SAXO1: variants seen among roughly 807,000 people sequenced by gnomAD.
SAXO1 encodes 4930500O09Rik.
Under a neutral mutation model 17.5 loss-of-function variants are expected in SAXO1, and 21 were observed. The observed-to-expected ratio is 1.20, with a 90% CI of 0.85 to 1.72. SAXO1 has a LOEUF of 1.72. SAXO1 is among the 40% of genes most tolerant of loss of function. SAXO1 has a pLI of 0.00. For missense variants in SAXO1, 843 were observed against 596.0 expected, an observed-to-expected ratio of 1.41 and a Z score of -4.32; for synonymous variants, 274 against 216.5, an observed-to-expected ratio of 1.27 and a Z score of -2.33.
chr9:19,045,297 A>T (rs1836182916), intron 1 of SAXO1, among the ~76,000 whole-genome samples: 1 of 121,800 alleles, frequency 8.2e-6, no homozygotes, highest in Non-Finnish European at 1.6e-5. Flanking sequence ...GGCCTGGGCG[A>T]CAGAGCGAGA....
chr9:19,046,082 CAAAAAAAAAAA>C lies in SAXO1; in HGVS notation c.-158+3116_-158+3126del, dbSNP rs57919139. ...GGGCAACAAGAATGAAACTCCGTCT[CAAAAAAAAAAA>C]AAAAAAAAAAGGAGAACATAAGGAG... On this transcript the variant is annotated intron_variant, in intron 1 of 3. Coordinates refer to the SAXO1 transcript ENST00000542071. 9.2e-4 allele frequency among the ~76,000 whole-genome samples: 51 copies of C among 55,404 alleles called. 1 individual carries two copies. Among genetic ancestry groups the C allele is most frequent in the Middle Eastern group, 0.023 (2 of 88 alleles). The allele number at this position is 55,404 out of a possible 152,430, so 36.3% of individuals were successfully genotyped here.
At chr9:18,950,713 T>C in intron 2 of SAXO1, 45 bp downstream of exon 2, 1 of 1,524,300 alleles carries the variant, frequency 6.6e-7, no homozygotes, top group Non-Finnish European at 9.0e-7. Context: ...TGTTACTCCA[T>C]TAGTGTTGTA....
intron 1 of SAXO1, among the ~76,000 whole-genome samples, chr9:19,044,480 G>C (rs190646619): frequency 2.0e-5 from 3 of 152,050 alleles, no homozygotes; most frequent in African/African-American, 4.8e-5. Context: ...GAGATGGCAA[G>C]AACAAAAAAT....
chr9:19,014,826 G>C (rs1457640973), intron 1 of SAXO1, among the ~76,000 whole-genome samples: 1 of 152,162 alleles, frequency 6.6e-6, no homozygotes, highest in African/African-American at 2.4e-5. Flanking sequence ...GAAAAATAAA[G>C]CCAGTGCTGC....
chr9:18,976,008 C>T (rs1453602361), intron 1 of SAXO1, among the ~76,000 whole-genome samples: 3 of 152,212 alleles, frequency 2.0e-5, no homozygotes, highest in African/African-American at 4.8e-5. Flanking sequence ...CCCTGCAATA[C>T]TTAGGTGTTC....
chr9:18,928,630 T>G lies in SAXO1; in HGVS notation c.847A>C (p.Met283Leu), dbSNP rs138552928. The G allele has an allele frequency of 1.9e-6, 3 of 1,614,126 alleles. No homozygotes were observed. The highest frequency in any genetic ancestry group is 2.2e-5 in the East Asian group (1 of 44,878). Residue 283 changes from methionine to leucine, a missense_variant, in exon 4 of 4, where the codon ATG becomes CTG. Physicochemically the swap from Met to Leu is conservative, Grantham distance 15. Transcript: ENST00000380534. ...EFRDKYQAWP[M>L]PRMFSKAPIT... ...GGAGCTTTGGAGAACATCCGGGGCA[T>G]TGGCCAAGCTTGGTACTTATCTCGA...
intron 1 of SAXO1, among the ~76,000 whole-genome samples, chr9:18,966,014 G>T (rs919621776): frequency 2.0e-5 from 3 of 152,130 alleles, no homozygotes; most frequent in African/African-American, 7.2e-5. Flanking sequence ...GCTTAGTTTG[G>T]CTGGCTATGA....
intron 1 of SAXO1, among the ~76,000 whole-genome samples, chr9:18,995,114 T>A (rs1386234158): frequency 6.6e-6 from 1 of 152,084 alleles, no homozygotes; most frequent in East Asian, 1.9e-4. Flanking sequence ...AAAAATAAAT[T>A]AACTAATAAA....
intron 2 of SAXO1, among the ~76,000 whole-genome samples, chr9:18,948,133 T>G (rs957015929): frequency 2.0e-5 from 3 of 152,206 alleles, no homozygotes; most frequent in Non-Finnish European, 4.4e-5. Flanking sequence ...GACACTGGGC[T>G]GACGCATCCC....
intron 1 of SAXO1, among the ~76,000 whole-genome samples, chr9:18,970,196 GT>G (rs1286100039): frequency 1.3e-5 from 2 of 152,204 alleles, no homozygotes; most frequent in African/African-American, 2.4e-5. Context: ...GTGTGAACAT[GT>G]TAAATGTCTC....
At chr9:18,983,522 TCA>T in intron 1 of SAXO1, among the ~76,000 whole-genome samples, 1 of 152,236 alleles carries the variant, frequency 6.6e-6, no homozygotes, top group South Asian at 2.1e-4. Flanking sequence ...TCAACAATGT[TCA>T]CTGCATTTTC....
At chr9:18,959,715 G>A (rs1832406678) in intron 1 of SAXO1, among the ~76,000 whole-genome samples, 1 of 151,566 alleles carries the variant, frequency 6.6e-6, no homozygotes, top group South Asian at 2.1e-4. Flanking sequence ...AGGTTGCAAT[G>A]AGCCAAGACT....
chr9:18,946,153 G>A (rs941367806), intron 2 of SAXO1, among the ~76,000 whole-genome samples: 1 of 151,888 alleles, frequency 6.6e-6, no homozygotes, highest in East Asian at 1.9e-4. Flanking sequence ...GGACACACCT[G>A]TAATCCTAAC....
At chr9:19,006,762 G>T (rs1834497146) in intron 1 of SAXO1, among the ~76,000 whole-genome samples, 1 of 152,156 alleles carries the variant, frequency 6.6e-6, no homozygotes, top group Non-Finnish European at 1.5e-5. Flanking sequence ...TGGTTAAAAT[G>T]AGGCCAGGTG....
chr9:19,029,931 T>C (rs191252340), intron 1 of SAXO1, among the ~76,000 whole-genome samples: 1 of 152,342 alleles, frequency 6.6e-6, no homozygotes, highest in Non-Finnish European at 1.5e-5. Flanking sequence ...GTGTTAGCTG[T>C]TAATAAAGAA....
Position 19,045,258 on chromosome 9 carries a change from C to G in SAXO1, c.-158+3951G>C, listed in dbSNP as rs553954432. Among the ~76,000 whole-genome samples, 4 of 137,280 alleles carry G rather than the reference C, an allele frequency of 2.9e-5. No homozygotes were observed. The South Asian group carries it at 9.5e-4, about 33-fold the overall frequency. 90.1% of individuals were successfully genotyped at this position (137,280 alleles called of 152,430 possible). On this transcript the variant is annotated intron_variant, in intron 1 of 3. Transcript: ENST00000542071. ...CTGGGAAGCGGAGCTTGCAGTGAGC[C>G]GAGATTGCGCCACTGCAGTCCGCAG...
At chr9:18,992,136 C>T (rs1007663263) in intron 1 of SAXO1, among the ~76,000 whole-genome samples, 1 of 152,176 alleles carries the variant, frequency 6.6e-6, no homozygotes, top group South Asian at 2.1e-4. Context: ...TATAAAGTTG[C>T]CTATTCCCCA....
intron 1 of SAXO1, among the ~76,000 whole-genome samples, chr9:18,961,235 C>T (rs1339391990): frequency 1.3e-5 from 2 of 151,558 alleles, no homozygotes; most frequent in African/African-American, 2.4e-5. Context: ...GGTGCAATGA[C>T]GGCCAGCTAA....
intron 3 of SAXO1, among the ~76,000 whole-genome samples, chr9:18,932,453 A>G (rs1831095735): frequency 6.6e-6 from 1 of 152,256 alleles, no homozygotes; most frequent in African/African-American, 2.4e-5. Flanking sequence ...TTTTGTAATC[A>G]GGAAGTGTAA....
Sources: gnomAD v4.1 joint callset for allele counts (sites outside exome capture counted in the v4.1 genomes callset) on GRCh38, gnomAD v4.1.1 for gene constraint, MANE v1.5 for transcripts, NCBI Gene and HGNC (gene_info 2026-07-23, HGNC 2026-07-21) for gene names.